Variants in CTNND2 observed in about 807,000 individuals in gnomAD.
CTNND2 encodes the protein catenin delta 2.
A neutral mutation model predicts 144.4 loss-of-function variants in CTNND2; 22 were observed. The ratio of observed to expected loss-of-function variants is 0.15; its 90% CI spans 0.11 to 0.22. The LOEUF is 0.22. Among genes scored for constraint, CTNND2 ranks in the 10% least tolerant of loss-of-function variants. The probability of loss-of-function intolerance (pLI) is 1.00; values close to 1 mark genes in which losing one functional copy is unlikely to be tolerated. For synonymous variants in CTNND2, 751 were observed against 695.6 expected, an observed-to-expected ratio of 1.08 and a Z score of -1.25; for missense variants, 1,353 against 1,618.8, an observed-to-expected ratio of 0.84 and a Z score of 2.82.
chr5:11,454,427 A>G (rs1429644222), intron 3 of CTNND2, among the ~76,000 whole-genome samples: 1 of 152,166 alleles, frequency 6.6e-6, no homozygotes, highest in Non-Finnish European at 1.5e-5. Context: ...TAATAAAAAA[A>G]AAATAAGTAA....
intron 10 of CTNND2, among the ~76,000 whole-genome samples, chr5:11,226,627 C>T (rs1341539099): frequency 6.6e-6 from 1 of 152,206 alleles, no homozygotes; most frequent in Admixed American, 6.5e-5. Context: ...ATAAAACCAT[C>T]AAATCTTATG....
At chr5:11,410,180 ATG>A (rs1355332124) in intron 5 of CTNND2, among the ~76,000 whole-genome samples, 1 of 152,178 alleles carries the variant, frequency 6.6e-6, no homozygotes, top group Admixed American at 6.5e-5. Context: ...TTTAATGACT[ATG>A]AGTAAAAGAG....
At chr5:11,463,368 A>C (rs1385756744) in intron 3 of CTNND2, among the ~76,000 whole-genome samples, 1 of 152,212 alleles carries the variant, frequency 6.6e-6, no homozygotes, top group East Asian at 1.9e-4. Context: ...GGATTTTTGT[A>C]CAATAACTTC....
chr5:11,688,134 A>G (rs1243693917), intron 2 of CTNND2, among the ~76,000 whole-genome samples: 1 of 152,158 alleles, frequency 6.6e-6, no homozygotes, highest in Non-Finnish European at 1.5e-5. Context: ...GAAGTGGAAA[A>G]GTATATGACT....
At chr5:11,409,796 G>T (rs771637662) in intron 5 of CTNND2, among the ~76,000 whole-genome samples, 1 of 151,942 alleles carries the variant, frequency 6.6e-6, no homozygotes, top group African/African-American at 2.4e-5. Flanking sequence ...TTCATTAAAT[G>T]TTATGAATAA....
At chr5:11,669,505 C>A (rs1783759074) in intron 2 of CTNND2, among the ~76,000 whole-genome samples, 1 of 152,060 alleles carries the variant, frequency 6.6e-6, no homozygotes, top group Non-Finnish European at 1.5e-5. Flanking sequence ...GTATATGGGT[C>A]CAGGAATTTA....
intron 2 of CTNND2, among the ~76,000 whole-genome samples, chr5:11,631,811 T>C (rs558265312): frequency 1.3e-5 from 2 of 152,284 alleles, no homozygotes; most frequent in African/African-American, 4.8e-5. Context: ...GAGAAGATTC[T>C]ATGCTGGGAG....
chr5:11,315,385 G>A (rs1751381056), intron 9 of CTNND2, among the ~76,000 whole-genome samples: 1 of 152,244 alleles, frequency 6.6e-6, no homozygotes, highest in South Asian at 2.1e-4. Flanking sequence ...AAACAATTCT[G>A]TACTGTTGAT....
intron 13 of CTNND2, 91 bp from the exon 14 acceptor site, chr5:11,111,134 A>T: frequency 2.2e-6 from 3 of 1,357,120 alleles, no homozygotes; most frequent in Non-Finnish European, 2.0e-6. Flanking sequence ...TTCTCCATGG[A>T]CACATTTCTC....
At chr5:11,725,204 G>A (rs1786944856) in intron 2 of CTNND2, among the ~76,000 whole-genome samples, 1 of 152,182 alleles carries the variant, frequency 6.6e-6, no homozygotes, top group African/African-American at 2.4e-5. Context: ...GCATGCTAGA[G>A]ATAACTCCAG....
intron 5 of CTNND2, among the ~76,000 whole-genome samples, chr5:11,399,429 T>G (rs11948396): frequency 0.041 from 6,235 of 152,326 alleles, 160 homozygotes; most frequent in South Asian, 0.075. Context: ...TCAAAGAGAA[T>G]GCAGGAATTG....
chr5:11,762,416 C>A (rs1280621644), intron 1 of CTNND2, among the ~76,000 whole-genome samples: 1 of 152,160 alleles, frequency 6.6e-6, no homozygotes. Flanking sequence ...TCTTGCAAAT[C>A]TTGCACAACA....
chr5:11,701,221 C>A (rs1785417856), intron 2 of CTNND2, among the ~76,000 whole-genome samples: 2 of 152,136 alleles, frequency 1.3e-5, no homozygotes, highest in African/African-American at 2.4e-5. Context: ...TTCAATAAGA[C>A]CTAAGTCCCC....
chr5:11,489,322 T>A (rs753402080), intron 3 of CTNND2, among the ~76,000 whole-genome samples: 3 of 152,198 alleles, frequency 2.0e-5, no homozygotes, highest in Non-Finnish European at 4.4e-5. Context: ...ATGTGCTTAG[T>A]TGGCATCCTT....
rs141186137 is a variant in CTNND2, at chr5:11,117,458, C to T, written c.2269G>A (p.Asp757Asn). ...IQSALGSSEI[D>N]SKTVENCVCI... ...ATGCCAGCACAACCAACCTTGCTAT[C>T]GATCTCACTGCTCCCCAGCGCAGAC... The change falls in exon 13 of 22, where the codon GAT becomes AAT. Residue 757 changes from aspartate to asparagine, a missense_variant. Asp to Asn is a conservative substitution (Grantham distance 23). This residue lies in a region of CTNND2 where 459 missense variants were observed against 674.3 expected (regional missense o/e 0.68). Coordinates refer to ENST00000304623, the MANE Select transcript of CTNND2 (RefSeq NM_001332.4). The T allele has an allele frequency of 4.3e-6, 7 of 1,613,310 alleles. No individual in the cohort carries two copies. Among genetic ancestry groups the T allele is most frequent in the South Asian group, 2.2e-5 (2 of 91,054 alleles).
At chr5:11,149,724 GAC>G (rs940196252) in intron 12 of CTNND2, among the ~76,000 whole-genome samples, 1 of 152,254 alleles carries the variant, frequency 6.6e-6, no homozygotes, top group African/African-American at 2.4e-5. Context: ...ATGAGTGTAT[GAC>G]ACAGAGGAAG....
At chr5:11,396,051 C>G (rs569550671) in intron 6 of CTNND2, among the ~76,000 whole-genome samples, 8 of 147,266 alleles carry the variant, frequency 5.4e-5, no homozygotes, top group Non-Finnish European at 1.0e-4. Flanking sequence ...TCGGGGGTTA[C>G]AGAGCCAGTG....
At chr5:11,300,624 CTTTTT>C (rs61271659) in intron 9 of CTNND2, among the ~76,000 whole-genome samples, 1 of 146,366 alleles carries the variant, frequency 6.8e-6, no homozygotes, top group African/African-American at 2.5e-5. Context: ...AGACAAACAA[CTTTTT>C]TTTTTTTTTA....
chr5:11,344,565 T>C (rs953312342), intron 9 of CTNND2, among the ~76,000 whole-genome samples: 2 of 152,176 alleles, frequency 1.3e-5, no homozygotes, highest in Non-Finnish European at 2.9e-5. Context: ...TTTTCTTTTC[T>C]TTTCTTTTTT....
Sources: allele counts gnomAD v4.1 joint callset (sites outside exome capture counted in the v4.1 genomes callset), GRCh38; gene constraint gnomAD v4.1.1; regional missense constraint gnomAD v4.1.1; transcripts MANE v1.5; gene names NCBI Gene and HGNC (gene_info 2026-07-23, HGNC 2026-07-21).